Variants in CEP85L observed in about 807,000 individuals in gnomAD.
The protein encoded by CEP85L is centrosomal protein of 85 kDa-like.
In CEP85L, 60 loss-of-function variants were observed where a neutral mutation model predicts 100.3. That is an observed-to-expected ratio of 0.60 (90% CI 0.49 to 0.74). The LOEUF (loss-of-function observed/expected upper bound fraction) is 0.74. Among genes scored for constraint, CEP85L ranks in the 30% least tolerant of loss-of-function variants. The probability of loss-of-function intolerance (pLI) is 0.00; values close to 1 mark genes in which losing one functional copy is unlikely to be tolerated. For missense variants in CEP85L, 973 were observed against 936.2 expected, an observed-to-expected ratio of 1.04 and a Z score of -0.51; for synonymous variants, 319 against 322.7, an observed-to-expected ratio of 0.99 and a Z score of 0.12.
At chr6:118,545,803 A>G (rs1778166147) in intron 3 of CEP85L, among the ~76,000 whole-genome samples, 1 of 152,332 alleles carries the variant, frequency 6.6e-6, no homozygotes. Context: ...AAAAAAGAAA[A>G]TAAGTGCTAA....
At chr6:118,678,630 A>G (rs772507165) in intron 1 of CEP85L, among the ~76,000 whole-genome samples, 2 of 152,224 alleles carry the variant, frequency 1.3e-5, no homozygotes, top group African/African-American at 2.4e-5. Context: ...TATATAAATC[A>G]TTGCTTTATC....
chr6:118,631,671 A>T (rs1229617063), intron 2 of CEP85L, among the ~76,000 whole-genome samples: 1 of 152,264 alleles, frequency 6.6e-6, no homozygotes, highest in African/African-American at 2.4e-5. Context: ...GATACATGTA[A>T]CAACTGGATG....
chr6:118,575,315 C>T (rs772964335), intron 2 of CEP85L, among the ~76,000 whole-genome samples: 9 of 152,060 alleles, frequency 5.9e-5, no homozygotes, highest in Non-Finnish European at 1.2e-4. Context: ...AATATTGTTG[C>T]TTTATTTAAA....
intron 1 of CEP85L, among the ~76,000 whole-genome samples, chr6:118,645,863 A>G (rs1295727868): frequency 1.3e-5 from 2 of 152,254 alleles, no homozygotes; most frequent in African/African-American, 2.4e-5. Context: ...GGTAACAAGC[A>G]CTATGCTAGG....
intron 6 of CEP85L, among the ~76,000 whole-genome samples, chr6:118,488,333 C>G (rs1365189621): frequency 6.6e-6 from 1 of 151,724 alleles, no homozygotes; most frequent in Non-Finnish European, 1.5e-5. Context: ...AAAATTTCAA[C>G]AGAGATAGGA....
At chr6:118,490,443 C>T (rs554140373) in intron 6 of CEP85L, among the ~76,000 whole-genome samples, 2 of 152,106 alleles carry the variant, frequency 1.3e-5, no homozygotes, top group East Asian at 3.8e-4. Context: ...AAGTCCTTTG[C>T]GCTATCAAGA....
At chr6:118,529,697 A>G (rs1777183298) in intron 3 of CEP85L, among the ~76,000 whole-genome samples, 1 of 151,986 alleles carries the variant, frequency 6.6e-6, no homozygotes. Flanking sequence ...CAGTGAGGAG[A>G]AAAAGCCCTT....
At chr6:118,681,695 T>G (rs1776664375) in intron 1 of CEP85L, among the ~76,000 whole-genome samples, 1 of 151,704 alleles carries the variant, frequency 6.6e-6, no homozygotes, top group South Asian at 2.1e-4. Flanking sequence ...AAAAATTTAA[T>G]TCATTATAAA....
chr6:118,648,030 G>C (rs1011417130), intron 1 of CEP85L, among the ~76,000 whole-genome samples: 1 of 152,164 alleles, frequency 6.6e-6, no homozygotes, highest in African/African-American at 2.4e-5. Flanking sequence ...GAGGCCGGTG[G>C]ATCACTTGAG....
At chr6:118,517,552 T>C (rs965548645) in intron 4 of CEP85L, among the ~76,000 whole-genome samples, 1 of 152,204 alleles carries the variant, frequency 6.6e-6, no homozygotes, top group African/African-American at 2.4e-5. Context: ...TGTCTGTTAT[T>C]GGTGTATAGG....
intron 5 of CEP85L, chr6:118,502,796 G>T: frequency 1.6e-6 from 1 of 623,668 alleles, no homozygotes. Context: ...AACTCCAGGT[G>T]ATATCGTAAG....
chr6:118,697,870 T>G (rs751251986), intron 1 of CEP85L, among the ~76,000 whole-genome samples: 3 of 152,142 alleles, frequency 2.0e-5, no homozygotes, highest in Non-Finnish European at 4.4e-5. Flanking sequence ...CTGGGCCCAG[T>G]ATTAAGCCAA....
intron 4 of CEP85L, among the ~76,000 whole-genome samples, chr6:118,511,898 A>T (rs1428704498): frequency 2.0e-5 from 3 of 152,046 alleles, no homozygotes; most frequent in Non-Finnish European, 4.4e-5. Flanking sequence ...AAAACATTAA[A>T]TAGGAGATAA....
chr6:118,479,965 G>A (rs200186479), intron 9 of CEP85L, 44 bp from the exon 10 acceptor site: 16 of 1,011,910 alleles, frequency 1.6e-5, no homozygotes, highest in Admixed American at 7.5e-5. Context: ...TTTTTACATC[G>A]CTTCTTAAAA....
At chr6:118,577,365 C>T (rs1293115769) in intron 2 of CEP85L, among the ~76,000 whole-genome samples, 1 of 152,156 alleles carries the variant, frequency 6.6e-6, no homozygotes, top group Non-Finnish European at 1.5e-5. Context: ...GGCATTTCAT[C>T]AACTAAGCAA....
chr6:118,479,620 C>T (rs1773632178), intron 10 of CEP85L, among the ~76,000 whole-genome samples: 1 of 152,062 alleles, frequency 6.6e-6, no homozygotes, highest in African/African-American at 2.4e-5. Context: ...TTTGTATTCT[C>T]TCCAACTCAC....
intron 5 of CEP85L, among the ~76,000 whole-genome samples, chr6:118,505,065 G>A (rs1174533747): frequency 1.3e-5 from 2 of 152,026 alleles, no homozygotes; most frequent in Admixed American, 6.6e-5. Flanking sequence ...TGGAGGATAT[G>A]GGAAATCTTG....
At position 118,566,009 on chromosome 6, in the gene CEP85L, C is replaced by T; in HGVS notation, c.540G>A (p.Arg180=). 4 of 1,614,232 alleles carry T rather than the reference C, an allele frequency of 2.5e-6. No homozygotes were observed. The South Asian group carries it at 3.3e-5, about 13-fold the overall frequency. ...CCTTCCCTATCTTCTCCAAACCATT[C>T]CTTGACTCTTCTCTGCATACAGTGC... ...QGGTVCREES[R]NGLEKIGKAK... is the part of the protein sequence containing the mutation. Residue 180 remains arginine (R), a synonymous_variant, in exon 3 of 13, where the codon AGG becomes AGA. Coordinates refer to ENST00000368491, the MANE Select transcript of CEP85L (RefSeq NM_001042475.3).
chr6:118,635,037 A>G (rs1255435058), intron 1 of CEP85L, among the ~76,000 whole-genome samples: 4 of 152,186 alleles, frequency 2.6e-5, no homozygotes, highest in African/African-American at 7.2e-5. Context: ...GAATGTTCGT[A>G]TATTTTTGTG....
Sources: gnomAD v4.1 joint callset for allele counts (sites outside exome capture counted in the v4.1 genomes callset) on GRCh38, gnomAD v4.1.1 for gene constraint, MANE v1.5 for transcripts, NCBI Gene and HGNC (gene_info 2026-07-23, HGNC 2026-07-21) for gene names.